ADGRV1: variants seen among roughly 807,000 people sequenced by gnomAD.
ADGRV1 encodes G-protein coupled receptor 98.
ADGRV1 carries 359 observed loss-of-function variants against 596.2 expected under a neutral mutation model. The ratio of observed to expected loss-of-function variants is 0.60; its 90% CI spans 0.55 to 0.66. The LOEUF is 0.66. Ranked by LOEUF, ADGRV1 falls within the 30% of genes least tolerant of loss-of-function variation. The probability of loss-of-function intolerance (pLI) is 0.00; values close to 1 mark genes in which losing one functional copy is unlikely to be tolerated. For missense variants in ADGRV1, 7,274 were observed against 7,575.6 expected (o/e 0.96, Z 1.48); for synonymous variants, 2,681 against 2,679.2 (o/e 1.00, Z -0.02).
chr5:91,024,272 G>A (rs957136358), intron 85 of ADGRV1, among the ~76,000 whole-genome samples: 6 of 152,098 alleles, frequency 3.9e-5, no homozygotes, highest in Non-Finnish European at 8.8e-5. Context: ...GAAGGTTTGG[G>A]CATTTTCGGC....
intron 1 of ADGRV1, among the ~76,000 whole-genome samples, chr5:90,609,072 T>A (rs1322089675): frequency 6.6e-6 from 1 of 151,686 alleles, no homozygotes; most frequent in Non-Finnish European, 1.5e-5. Flanking sequence ...AACTAACATC[T>A]TGGAAAGGTG....
chr5:90,907,514 C>T (rs1489928173), intron 83 of ADGRV1, among the ~76,000 whole-genome samples: 1 of 152,050 alleles, frequency 6.6e-6, no homozygotes, highest in Non-Finnish European at 1.5e-5. Context: ...CTTTCTCACA[C>T]CTTCTTCCTG....
At chr5:90,823,670 A>G (rs990489414) in intron 76 of ADGRV1, 74 bp downstream of exon 76, 62 of 1,308,598 alleles carry the variant, frequency 4.7e-5, no homozygotes, top group Non-Finnish European at 5.8e-5. Context: ...TAAAACCACT[A>G]TTGAAACTTA....
rs1451377528 is a variant in ADGRV1 at position 90,802,807 on chromosome 5, C to G, written c.14586C>G (p.Phe4862Leu). The G allele has an allele frequency of 6.2e-7, 1 of 1,612,596 alleles. No individual in the cohort carries two copies. Among genetic ancestry groups the G allele is most frequent in the Admixed American group, 1.7e-5 (1 of 59,862 alleles). ...LVTVMLVGGR[F>L]YGMPTILQEA... ...CTGTGATGCTTGTCGGTGGACGTTT[C>G]TATGGAATGCCAACAATTCTTCAGG... Residue 4862 changes from phenylalanine (F) to leucine (L), a missense_variant, in exon 71 of 90, where the codon TTC becomes TTG. Physicochemically the swap from Phe to Leu is conservative, Grantham distance 22. Transcript: ENST00000405460.
At chr5:91,082,473 C>T (rs1177671592) in intron 86 of ADGRV1, among the ~76,000 whole-genome samples, 3 of 152,068 alleles carry the variant, frequency 2.0e-5, no homozygotes, top group Non-Finnish European at 2.9e-5. Flanking sequence ...ACTATAAACA[C>T]GTGCTACCAT....
rs759213233 is a variant in ADGRV1, at chr5:90,628,719, A to G, written c.1396A>G (p.Thr466Ala). The change falls in exon 8 of 90, where the codon ACA becomes GCA. Residue 466 changes from threonine (T) to alanine (A), a missense_variant. Thr to Ala is a moderately conservative substitution (Grantham distance 58, BLOSUM62 0). Around this residue, in one of 5 missense-constraint regions of ADGRV1, gnomAD observed 1,715 missense variants for 1,708.8 expected, o/e 1.00. Transcript: ENST00000405460. ...TTTTGCACAAGGGCAGATGTTGGCAACAATTCCTCTTACTGTGGTTGATGA... is the reference window on the plus strand; with the variant it reads ...TTTTGCACAAGGGCAGATGTTGGCAGCAATTCCTCTTACTGTGGTTGATGA... Reference protein sequence around the residue: ...LHFAQGQMLATIPLTVVDDDL... With the variant: ...LHFAQGQMLAAIPLTVVDDDL... The G allele has an allele frequency of 1.2e-6, 2 of 1,614,028 alleles. No individual in the cohort carries two copies. The highest frequency in any genetic ancestry group is 2.2e-5 in the South Asian group (2 of 91,086).
At chr5:90,781,210 C>T (rs1176274290) in intron 64 of ADGRV1, 8 of 536,206 alleles carry the variant, frequency 1.5e-5, no homozygotes, top group South Asian at 4.2e-5. Context: ...GTTTTGGCTT[C>T]GTACAGGCAC....
At chr5:90,862,064 C>G (rs1767643879) in intron 82 of ADGRV1, among the ~76,000 whole-genome samples, 1 of 152,094 alleles carries the variant, frequency 6.6e-6, no homozygotes, top group South Asian at 2.1e-4. Context: ...TAACTGAAGC[C>G]TAATATACTT....
chr5:90,849,514 C>G (rs1305393656), intron 79 of ADGRV1, among the ~76,000 whole-genome samples: 2 of 152,122 alleles, frequency 1.3e-5, no homozygotes, highest in African/African-American at 4.8e-5. Flanking sequence ...CTCAACCTCC[C>G]TAATAGCTGG....
intron 85 of ADGRV1, among the ~76,000 whole-genome samples, chr5:91,006,937 G>C (rs1232953716): frequency 1.3e-5 from 2 of 152,066 alleles, no homozygotes; most frequent in Admixed American, 6.5e-5. Context: ...TGCCAACAAT[G>C]ACTTCATGAT....
intron 86 of ADGRV1, among the ~76,000 whole-genome samples, chr5:91,089,905 G>A (rs370253863): frequency 2.6e-5 from 4 of 152,270 alleles, no homozygotes; most frequent in Non-Finnish European, 4.4e-5. Context: ...TTAGCTGCCT[G>A]AGCATGCCTG....
chr5:90,990,465 A>G (rs1562054141), intron 85 of ADGRV1, among the ~76,000 whole-genome samples: 2 of 152,214 alleles, frequency 1.3e-5, no homozygotes, highest in African/African-American at 4.8e-5. Flanking sequence ...AGAAAAAGGA[A>G]GGCCTTAACA....
intron 83 of ADGRV1, among the ~76,000 whole-genome samples, chr5:90,938,431 A>G (rs1775894630): frequency 6.6e-6 from 1 of 152,206 alleles, no homozygotes; most frequent in Admixed American, 6.5e-5. Flanking sequence ...ATTGAAAAGT[A>G]TGGTTTTTTG....
intron 26 of ADGRV1, among the ~76,000 whole-genome samples, chr5:90,679,837 C>T (rs1744707124): frequency 6.6e-6 from 1 of 152,050 alleles, no homozygotes; most frequent in Non-Finnish European, 1.5e-5. Flanking sequence ...GAATCACATC[C>T]CTTTCTGCTT....
intron 87 of ADGRV1, among the ~76,000 whole-genome samples, chr5:91,129,765 A>C (rs1274175462): frequency 6.6e-6 from 1 of 152,178 alleles, no homozygotes; most frequent in Non-Finnish European, 1.5e-5. Context: ...ACTTTATTTG[A>C]CATGATCCAG....
At chr5:90,651,448 T>C (rs1768612387) in intron 17 of ADGRV1, among the ~76,000 whole-genome samples, 156 bp from the exon 18 acceptor site, 1 of 152,210 alleles carries the variant, frequency 6.6e-6, no homozygotes, top group South Asian at 2.1e-4. Context: ...TCTTTGGAAA[T>C]ATGGAGCAGT....
Position 90,745,213 on chromosome 5 carries a change from T to G in ADGRV1, c.10717T>G (p.Ser3573Ala). ...KNLIALVGAH[S>A]HIYELAYISS... ...TTTAATAGCTCTAGTGGGAGCTCATTCACATATATATGAGCTAGCCTACAT... is the reference window on the plus strand; with the variant it reads ...TTTAATAGCTCTAGTGGGAGCTCATGCACATATATATGAGCTAGCCTACAT... Residue 3573 changes from serine (S) to alanine (A), a missense_variant, in exon 51 of 90, where the codon TCA becomes GCA. Ser to Ala is a moderately conservative substitution (Grantham distance 99). Transcript: ENST00000405460. The G allele has an allele frequency of 1.9e-6, 3 of 1,611,386 alleles. No individual in the cohort carries two copies. The highest frequency in any genetic ancestry group is 2.5e-6 in the Non-Finnish European group (3 of 1,179,458).
At chr5:90,620,886 A>G (rs1763977566) in intron 4 of ADGRV1, among the ~76,000 whole-genome samples, 1 of 152,222 alleles carries the variant, frequency 6.6e-6, no homozygotes, top group South Asian at 2.1e-4. Flanking sequence ...TCTCTTCAAA[A>G]TTCTGTAGTC....
chr5:90,976,322 GTATA>G (rs70973719), intron 84 of ADGRV1, among the ~76,000 whole-genome samples: 2,443 of 108,564 alleles, frequency 0.023, 71 homozygotes, highest in African/African-American at 0.069. Flanking sequence ...GTGTGTGTGT[GTATA>G]TATATATATA....
Sources: gnomAD v4.1 joint callset for allele counts (sites outside exome capture counted in the v4.1 genomes callset) on GRCh38, gnomAD v4.1.1 for gene constraint, gnomAD v4.1.1 regional missense constraint, MANE v1.5 for transcripts, NCBI Gene and HGNC (gene_info 2026-07-23, HGNC 2026-07-21) for gene names.